Variants in POLN observed in about 807,000 individuals in gnomAD.
POLN encodes the protein DNA polymerase N.
Under a neutral mutation model 113.5 loss-of-function variants are expected in POLN, and 108 were observed. That is an observed-to-expected ratio of 0.95 (90% CI 0.81 to 1.12). POLN has a LOEUF of 1.12. Ranked by LOEUF, POLN falls within the 50% of genes most tolerant of loss-of-function variation. POLN has a pLI of 0.00. For synonymous variants in POLN, 386 were observed against 391.5 expected, an observed-to-expected ratio of 0.99 and a Z score of 0.17; for missense variants, 1,097 against 1,077.1, an observed-to-expected ratio of 1.02 and a Z score of -0.26.
chr4:2,074,164 G>C (rs1730220134), intron 24 of POLN, among the ~76,000 whole-genome samples: 1 of 152,240 alleles, frequency 6.6e-6, no homozygotes, highest in Admixed American at 6.5e-5. Context: ...CTGCTGCTCA[G>C]AGAGGGGCAG....
At chr4:2,232,525 A>T (rs937387590) in intron 2 of POLN, among the ~76,000 whole-genome samples, 2 of 152,222 alleles carry the variant, frequency 1.3e-5, no homozygotes, top group Non-Finnish European at 2.9e-5. Context: ...TATTCTGCTT[A>T]ATAAATCAAA....
chr4:2,085,609 T>C lies in POLN; in HGVS notation c.2197+4A>G. On this transcript the variant is annotated splice_donor_region_variant and intron_variant, in intron 21 of 25. Transcript: ENST00000511885. ...GCAGGGAGCTCTGGTTGTGGCCAAC[T>C]CACCTGTCTGGTGACACTGGGCAAT... 30 of 1,613,802 alleles carry C rather than the reference T, an allele frequency of 1.9e-5. No individual in the cohort carries two copies. The highest frequency in any genetic ancestry group is 2.5e-5 in the Non-Finnish European group (30 of 1,179,990).
intron 19 of POLN, among the ~76,000 whole-genome samples, chr4:2,112,584 CAG>C (rs1220131602): frequency 3.3e-5 from 5 of 152,294 alleles, no homozygotes; most frequent in East Asian, 1.9e-4. Flanking sequence ...AGGATATGAA[CAG>C]ACACTTCTCA....
At chr4:2,075,761 G>A (rs879643987) in intron 23 of POLN, among the ~76,000 whole-genome samples, 4 of 152,230 alleles carry the variant, frequency 2.6e-5, no homozygotes, top group Non-Finnish European at 4.4e-5. Flanking sequence ...ACTGTCACCA[G>A]GACAGCTCTG....
At chr4:2,089,231 T>TGG (rs1368768070) in intron 20 of POLN, 2 of 1,532,668 alleles carry the variant, frequency 1.3e-6, no homozygotes, top group East Asian at 4.9e-5. Flanking sequence ...ACATCAATTG[T>TGG]TTCTGCAATC....
chr4:2,211,983 G>A (rs1046697604), intron 4 of POLN, among the ~76,000 whole-genome samples: 1 of 152,046 alleles, frequency 6.6e-6, no homozygotes, highest in Admixed American at 6.5e-5. Context: ...TGTGGAAGAT[G>A]CCTCTTCCCT....
intron 2 of POLN, chr4:2,236,531 T>C (rs1734774026): frequency 6.0e-6 from 6 of 1,006,114 alleles, no homozygotes; most frequent in African/African-American, 1.6e-5. Context: ...ATCCACTGTA[T>C]TGGGGCATTT....
At chr4:2,200,391 C>G (rs1271776105) in intron 5 of POLN, among the ~76,000 whole-genome samples, 1 of 152,164 alleles carries the variant, frequency 6.6e-6, no homozygotes, top group Non-Finnish European at 1.5e-5. Context: ...TGAACTTTTG[C>G]TCTAGAATGA....
chr4:2,135,720 T>C (rs1406982627), intron 16 of POLN, among the ~76,000 whole-genome samples: 1 of 152,170 alleles, frequency 6.6e-6, no homozygotes, highest in African/African-American at 2.4e-5. Context: ...GGGAGAAGCC[T>C]GTGGGGGTCA....
At position 2,163,949 on chromosome 4, in the gene POLN, C is replaced by T. The variant is rs1732664318; in HGVS notation, c.1555-4738G>A. Among the ~76,000 whole-genome samples, 3 of 152,330 alleles carry T rather than the reference C, an allele frequency of 2.0e-5. No homozygotes were observed. The South Asian group carries it at 6.2e-4, about 32-fold the overall frequency. ...AAGGCTGAACACTGGACCTCCCCCTCCATAAACAGTTCCTGTTCCAGTTTT... is the reference window on the plus strand; with the variant it reads ...AAGGCTGAACACTGGACCTCCCCCTTCATAAACAGTTCCTGTTCCAGTTTT... On this transcript the variant is annotated intron_variant, in intron 13 of 25. Transcript: ENST00000511885.
At chr4:2,108,904 T>A (rs759362796) in intron 19 of POLN, among the ~76,000 whole-genome samples, 50 of 152,026 alleles carry the variant, frequency 3.3e-4, no homozygotes, top group Non-Finnish European at 6.0e-4. Context: ...ACTTTCCTCG[T>A]GGGCAATGAG....
At chr4:2,191,213 G>A (rs1456398941) in intron 7 of POLN, among the ~76,000 whole-genome samples, 2 of 152,206 alleles carry the variant, frequency 1.3e-5, no homozygotes, top group Non-Finnish European at 2.9e-5. Context: ...TGGAGCTGGA[G>A]ATCACCATGT....
In POLN at chr4:2,174,695, CA is replaced by C; in HGVS notation, c.1304del (p.Leu435TrpfsTer3). ...TTCATCTTTATGGTAACTTACCTGCCAAAATTGGTATCAGAGGAAGCTCCAA... is the reference window on the plus strand; with the variant it reads ...TTCATCTTTATGGTAACTTACCTGCCAAATTGGTATCAGAGGAAGCTCCAA... ...RTLELPLIPI[L>X]AVMESHAIQV... On this transcript the variant is annotated frameshift_variant, in exon 10 of 26. Coordinates refer to ENST00000511885, the MANE Select transcript of POLN (RefSeq NM_181808.4). LOFTEE classifies it high-confidence loss of function. The C allele has an allele frequency of 6.2e-7, 1 of 1,607,914 alleles. No individual in the cohort carries two copies. Among genetic ancestry groups the C allele is most frequent in the Non-Finnish European group, 8.5e-7 (1 of 1,174,668 alleles).
At chr4:2,176,118 C>G (rs566886273) in intron 9 of POLN, 148 bp downstream of exon 9, 3 of 687,742 alleles carry the variant, frequency 4.4e-6, no homozygotes, top group Admixed American at 2.8e-5. Context: ...TCTAGACAAC[C>G]CTTTTCTGAG....
chr4:2,072,296 G>C lies in POLN; in HGVS notation c.2521C>G (p.Pro841Ala). The change falls in exon 26 of 26, where the codon CCC becomes GCC. Residue 841 changes from proline to alanine, a missense_variant. Physicochemically the swap from Pro to Ala is conservative, Grantham distance 27 (BLOSUM62 -1). Coordinates refer to ENST00000511885, the MANE Select transcript of POLN (RefSeq NM_181808.4). ...VQALELQLQV[P>A]LKVSLSAGRS... Reference sequence around the variant, plus strand: ...CCGGCACTCAGGCTCACCTTGAGGGGTACCTGCAGGTGGCAGCCAGAGGTG... The same window carrying C: ...CCGGCACTCAGGCTCACCTTGAGGGCTACCTGCAGGTGGCAGCCAGAGGTG... The C allele has an allele frequency of 6.4e-7, 1 of 1,564,848 alleles. No homozygotes were observed. Among genetic ancestry groups the C allele is most frequent in the Non-Finnish European group, 8.6e-7 (1 of 1,157,736 alleles).
intron 5 of POLN, among the ~76,000 whole-genome samples, chr4:2,202,819 T>C (rs1315303638): frequency 6.7e-6 from 1 of 150,240 alleles, no homozygotes; most frequent in Non-Finnish European, 1.5e-5. Flanking sequence ...TAAATATATA[T>C]GCACCTAACG....
At chr4:2,109,288 C>T (rs1731138160) in intron 19 of POLN, among the ~76,000 whole-genome samples, 1 of 152,186 alleles carries the variant, frequency 6.6e-6, no homozygotes, top group Non-Finnish European at 1.5e-5. Flanking sequence ...GGAAGCACCA[C>T]ACAGGGTCTA....
rs755354221 is a variant in POLN at position 2,159,154 on chromosome 4, C to T, written c.1611+1G>A. 8 of 1,602,432 alleles carry T rather than the reference C, an allele frequency of 5.0e-6. No individual in the cohort carries two copies. Among genetic ancestry groups the T allele is most frequent in the Non-Finnish European group, 6.8e-6 (8 of 1,169,990 alleles). ...TTTTACGTACAAAAAAATTAACTTA[C>T]CTGCCTGTATTCCAAAATTATCTTG... On this transcript the variant is annotated splice_donor_variant, in intron 14 of 25. Coordinates refer to ENST00000511885, the MANE Select transcript of POLN (RefSeq NM_181808.4). LOFTEE classifies it high-confidence loss of function.
At chr4:2,074,751 G>A (rs755411006) in intron 24 of POLN, among the ~76,000 whole-genome samples, 3 of 152,122 alleles carry the variant, frequency 2.0e-5, no homozygotes, top group South Asian at 2.1e-4. Context: ...AAGCTGCCCC[G>A]GCTGTTTACA....
Sources: allele counts gnomAD v4.1 joint callset (sites outside exome capture counted in the v4.1 genomes callset), GRCh38; gene constraint gnomAD v4.1.1; transcripts MANE v1.5; gene names NCBI Gene and HGNC (gene_info 2026-07-23, HGNC 2026-07-21).